PLXND1: variants seen among roughly 807,000 people sequenced by gnomAD.
The protein encoded by PLXND1 is plexin-D1.
In PLXND1, 54 loss-of-function variants were observed where a neutral mutation model predicts 197.7. The ratio of observed to expected loss-of-function variants is 0.27; its 90% CI spans 0.22 to 0.34. PLXND1 has a LOEUF of 0.34. Among genes scored for constraint, PLXND1 ranks in the 10% least tolerant of loss-of-function variants. The probability of loss-of-function intolerance (pLI) is 1.00; values close to 1 mark genes in which losing one functional copy is unlikely to be tolerated. For synonymous variants in PLXND1, 1,180 were observed against 1,161.2 expected (o/e 1.02, Z -0.33); for missense variants, 2,127 against 2,699.2 (o/e 0.79, Z 4.70).
At chr3:129,602,599 G>T (rs1345286388) in intron 1 of PLXND1, among the ~76,000 whole-genome samples, 1 of 152,182 alleles carries the variant, frequency 6.6e-6, no homozygotes, top group African/African-American at 2.4e-5. Flanking sequence ...GCATGGGACT[G>T]GGCTCACAAT....
chr3:129,566,094 G>A (rs535287129), intron 23 of PLXND1, 77 bp from the exon 24 acceptor site: 9 of 1,521,272 alleles, frequency 5.9e-6, no homozygotes, highest in South Asian at 3.5e-5. Flanking sequence ...TGCTTACGAC[G>A]GCTGCTTGTA....
At chr3:129,566,091 G>A (rs1265409926) in intron 23 of PLXND1, 74 bp from the exon 24 acceptor site, 10 of 1,528,172 alleles carry the variant, frequency 6.5e-6, no homozygotes, top group Admixed American at 5.1e-5. Context: ...CAGTGCTTAC[G>A]ACGGCTGCTT....
At position 129,555,277 on chromosome 3, in the gene PLXND1, C is replaced by T. The variant is rs529477028; in HGVS notation, c.*1035G>A. The T allele has an allele frequency of 1.6e-4, 76 of 486,064 alleles. No homozygotes were observed. In the Middle Eastern group the frequency reaches 2.6e-3, roughly 17 times the overall value. 30.1% of individuals were successfully genotyped at this position (486,064 alleles called of 1,614,324 possible). ...CAGAGTCCCAGCTGCCCCCCTCCAG[C>T]CCCCATGGGCTCTGAGCCAGTCCCA... On this transcript the variant is annotated 3_prime_UTR_variant, in exon 36 of 36. Transcript: ENST00000324093.
chr3:129,562,037 G>A (rs2085069799), intron 27 of PLXND1, 134 bp from the exon 28 acceptor site: 4 of 658,432 alleles, frequency 6.1e-6, no homozygotes, highest in Non-Finnish European at 1.1e-5. Flanking sequence ...CTCTCTCTGA[G>A]CCTCCATTTT....
intron 1 of PLXND1, among the ~76,000 whole-genome samples, chr3:129,595,076 A>G (rs1347145644): frequency 6.6e-6 from 1 of 151,842 alleles, no homozygotes; most frequent in African/African-American, 2.4e-5. Context: ...AGGTAGGGCC[A>G]GTCCTCCTGG....
intron 20 of PLXND1, among the ~76,000 whole-genome samples, chr3:129,568,376 A>AC (rs1274775200): frequency 6.6e-6 from 1 of 152,226 alleles, no homozygotes; most frequent in East Asian, 1.9e-4. Context: ...GAGGGAAGAT[A>AC]CAAAAATACA....
intron 1 of PLXND1, among the ~76,000 whole-genome samples, chr3:129,597,962 G>A (rs915337651): frequency 6.6e-6 from 1 of 152,210 alleles, no homozygotes; most frequent in East Asian, 1.9e-4. Flanking sequence ...GGCTCCGGGT[G>A]AGCGCCTCCG....
At position 129,605,492 on chromosome 3, in the gene PLXND1, G is replaced by C; in HGVS notation, c.1148C>G (p.Ala383Gly). Residue 383 changes from alanine (A) to glycine (G), a missense_variant, in exon 1 of 36, where the codon GCT becomes GGT. This residue lies in a region of PLXND1 where 1,095 missense variants were observed against 1,259.8 expected (regional missense o/e 0.87). Coordinates refer to ENST00000324093, the MANE Select transcript of PLXND1 (RefSeq NM_015103.3). ...GAAGGCGCAGAGTGCGGCCGGAGCAGCGCGGGCCGCGGGGGACCCCTGGGG... is the reference window on the plus strand; with the variant it reads ...GAAGGCGCAGAGTGCGGCCGGAGCACCGCGGGCCGCGGGGGACCCCTGGGG... ...ERPQGSPAAR[A>G]APAALCAFRF... The C allele has an allele frequency of 6.7e-7, 1 of 1,494,528 alleles. No individual in the cohort carries two copies. The highest frequency in any genetic ancestry group is 8.8e-7 in the Non-Finnish European group (1 of 1,130,842). The allele number at this position is 1,494,528 out of a possible 1,614,324, so 92.6% of individuals were successfully genotyped here.
rs144919923 is a variant in PLXND1, at chr3:129,556,595, T to G, written c.5661+22A>C. 5,803 of 1,581,194 alleles carry G rather than the reference T, an allele frequency of 3.7e-3. 22 individuals carry two copies. The highest frequency in any genetic ancestry group is 4.4e-3 in the Non-Finnish European group (5,107 of 1,151,014). On this transcript the variant is annotated intron_variant, in intron 35 of 35. Transcript: ENST00000324093. ...GAAGCTCACCTACCCCGAGGGCAGG[T>G]GCCTCACCCTGGGGCACTCACCTGC...
chr3:129,567,858 T>C, intron 20 of PLXND1, 53 bp from the exon 21 acceptor site: 1 of 1,060,028 alleles, frequency 9.4e-7, no homozygotes, highest in East Asian at 2.5e-5. Flanking sequence ...GGAAAGCCTT[T>C]ATTGGCGCCT....
chr3:129,581,331 C>T (rs529823671), intron 8 of PLXND1, among the ~76,000 whole-genome samples: 1 of 152,202 alleles, frequency 6.6e-6, no homozygotes, highest in Non-Finnish European at 1.5e-5. Flanking sequence ...TCTGTGCCTC[C>T]ACCCCAGCTC....
intron 17 of PLXND1, 26 bp from the exon 18 acceptor site, chr3:129,571,329 G>A: frequency 6.2e-7 from 1 of 1,603,064 alleles, no homozygotes; most frequent in South Asian, 1.1e-5. Context: ...CAGGGGCCCA[G>A]GCCGGGATGC....
At chr3:129,584,663 C>T in intron 5 of PLXND1, 101 bp from the exon 6 acceptor site, 1 of 1,134,622 alleles carries the variant, frequency 8.8e-7, no homozygotes, top group Non-Finnish European at 1.3e-6. Flanking sequence ...GCCTGAATGT[C>T]CCCTGGGGGA....
intron 19 of PLXND1, chr3:129,570,582 T>C (rs2085209040): frequency 3.3e-6 from 2 of 604,746 alleles, no homozygotes; most frequent in Admixed American, 2.9e-5. Context: ...ATGGGGCCCA[T>C]CACTGACCTC....
At chr3:129,598,939 G>A (rs1338244985) in intron 1 of PLXND1, among the ~76,000 whole-genome samples, 2 of 152,198 alleles carry the variant, frequency 1.3e-5, no homozygotes, top group Admixed American at 1.3e-4. Flanking sequence ...GATATGTAAA[G>A]TGCTCTGCAA....
chr3:129,570,676 T>C, intron 19 of PLXND1, 110 bp downstream of exon 19: 1 of 1,074,408 alleles, frequency 9.3e-7, no homozygotes. Context: ...ACTGAGCTGT[T>C]GAGCGTGAAA....
chr3:129,556,831 C>G (rs527875348), intron 34 of PLXND1, 140 bp from the exon 35 acceptor site: 1 of 726,030 alleles, frequency 1.4e-6, no homozygotes, highest in Admixed American at 2.3e-5. Flanking sequence ...CCCTCAAGTC[C>G]CATGGACGAA....
rs1394111852 is a variant in PLXND1 at position 129,601,766 on chromosome 3, A to G, written c.1311+3563T>C. ...CAGCTTTCTGCTCCTCCATCCCATCACTCCCCACCACTGGGGCTGCATCCC... is the reference window on the plus strand; with the variant it reads ...CAGCTTTCTGCTCCTCCATCCCATCGCTCCCCACCACTGGGGCTGCATCCC... On this transcript the variant is annotated intron_variant, in intron 1 of 35. Transcript: ENST00000324093. Among the ~76,000 whole-genome samples the G allele has an allele frequency of 2.0e-5, 3 of 151,384 alleles. No homozygotes were observed. In the East Asian group the frequency reaches 5.8e-4, roughly 29 times the overall value.
At chr3:129,598,827 G>A (rs1031084399) in intron 1 of PLXND1, among the ~76,000 whole-genome samples, 2 of 152,114 alleles carry the variant, frequency 1.3e-5, no homozygotes, top group Admixed American at 6.5e-5. Context: ...CACACACCAC[G>A]GTGTGACCTC....
Sources: gnomAD v4.1 joint callset for allele counts (sites outside exome capture counted in the v4.1 genomes callset) on GRCh38, gnomAD v4.1.1 for gene constraint, gnomAD v4.1.1 regional missense constraint, MANE v1.5 for transcripts, NCBI Gene and HGNC (gene_info 2026-07-23, HGNC 2026-07-21) for gene names.